Variants in RALA observed in about 807,000 individuals in gnomAD.
RALA encodes ras-related protein Ral-A.
Under a neutral mutation model 24.0 loss-of-function variants are expected in RALA, and 5 were observed. That is an observed-to-expected ratio of 0.21 (90% CI 0.11 to 0.44). The LOEUF (loss-of-function observed/expected upper bound fraction) is 0.44, where lower values mean the gene tolerates loss of function less well. RALA is among the 20% of genes least tolerant of loss of function. RALA has a pLI of 0.99. For synonymous variants in RALA, 77 were observed against 83.8 expected (o/e 0.92, Z 0.44); for missense variants, 95 against 241.2 (o/e 0.39, Z 4.01).
intron 1 of RALA, among the ~76,000 whole-genome samples, chr7:39,670,957 C>G (rs1235161696): frequency 6.6e-6 from 1 of 152,184 alleles, no homozygotes; most frequent in Non-Finnish European, 1.5e-5. Flanking sequence ...ACAGAAGCTG[C>G]TTGTTTCCTT....
chr7:39,626,992 T>C (rs549909973), intron 1 of RALA, among the ~76,000 whole-genome samples: 145 of 80,948 alleles, frequency 1.8e-3, no homozygotes, highest in African/African-American at 9.3e-3. Flanking sequence ...GGTAGAATTC[T>C]CTTCCCTCCT....
At chr7:39,665,541 A>G (rs568376367) in intron 1 of RALA, among the ~76,000 whole-genome samples, 5 of 152,142 alleles carry the variant, frequency 3.3e-5, no homozygotes, top group African/African-American at 7.2e-5. Flanking sequence ...CCAAGAGTCG[A>G]CTGTATAACA....
At chr7:39,675,669 T>C (rs1158100674) in intron 1 of RALA, among the ~76,000 whole-genome samples, 1 of 150,622 alleles carries the variant, frequency 6.6e-6, no homozygotes, top group Non-Finnish European at 1.5e-5. Flanking sequence ...AAGTCTGCAG[T>C]GAGCTGTGAT....
At chr7:39,628,583 TCTCG>T (rs1791537025) in intron 1 of RALA, among the ~76,000 whole-genome samples, 1 of 152,152 alleles carries the variant, frequency 6.6e-6, no homozygotes, top group South Asian at 2.1e-4. Flanking sequence ...TGAGACGGAG[TCTCG>T]CTCTTTCACC....
At chr7:39,706,039 C>T in intron 4 of RALA, 84 bp from the exon 5 acceptor site, 1 of 1,234,268 alleles carries the variant, frequency 8.1e-7, no homozygotes, top group Non-Finnish European at 1.1e-6. Context: ...CTTCTGTTAC[C>T]CCCAAAGTTT....
intron 1 of RALA, among the ~76,000 whole-genome samples, chr7:39,658,191 C>T (rs1792128185): frequency 6.6e-6 from 1 of 152,134 alleles, no homozygotes; most frequent in African/African-American, 2.4e-5. Context: ...CATCATTAAC[C>T]CCAGTGGTCT....
At chr7:39,686,915 T>C in intron 2 of RALA, 134 bp downstream of exon 2, 1 of 636,782 alleles carries the variant, frequency 1.6e-6, no homozygotes, top group South Asian at 2.4e-5. Context: ...TTTTTGTGTT[T>C]AGAGCCATCT....
chr7:39,661,010 A>G (rs1792177265), intron 1 of RALA, among the ~76,000 whole-genome samples: 1 of 152,214 alleles, frequency 6.6e-6, no homozygotes, highest in South Asian at 2.1e-4. Flanking sequence ...AGACCTCACA[A>G]TCATGGCAGA....
intron 1 of RALA, 59 bp from the exon 2 acceptor site, chr7:39,686,572 T>C: frequency 1.0e-6 from 1 of 987,034 alleles, no homozygotes. Flanking sequence ...ATCTCTTTCT[T>C]ACACTGGAAT....
chr7:39,706,043 A>C (rs1409475439), intron 4 of RALA, 80 bp from the exon 5 acceptor site: 8 of 1,304,648 alleles, frequency 6.1e-6, no homozygotes, highest in Non-Finnish European at 8.4e-6. Flanking sequence ...TGTTACCCCC[A>C]AAGTTTACTG....
At chr7:39,664,622 A>G (rs1392122809) in intron 1 of RALA, among the ~76,000 whole-genome samples, 1 of 152,198 alleles carries the variant, frequency 6.6e-6, no homozygotes, top group Non-Finnish European at 1.5e-5. Flanking sequence ...GAGGAACATC[A>G]TGAAAGCCTA....
intron 1 of RALA, among the ~76,000 whole-genome samples, chr7:39,664,368 C>T (rs1046197211): frequency 6.6e-6 from 1 of 152,158 alleles, no homozygotes; most frequent in Non-Finnish European, 1.5e-5. Flanking sequence ...AATGCTTTGT[C>T]CCTGAAGTCA....
At chr7:39,671,819 C>T (rs937834428) in intron 1 of RALA, among the ~76,000 whole-genome samples, 6 of 152,112 alleles carry the variant, frequency 3.9e-5, no homozygotes, top group African/African-American at 1.4e-4. Flanking sequence ...ATTAGAGTAA[C>T]GTGAAAATAC....
intron 1 of RALA, among the ~76,000 whole-genome samples, chr7:39,675,454 G>T (rs1693455558): frequency 6.6e-6 from 1 of 152,114 alleles, no homozygotes; most frequent in South Asian, 2.1e-4. Flanking sequence ...ATATACTTGT[G>T]GGCCTGGCAC....
In RALA at chr7:39,696,777, T is replaced by A; in HGVS notation, c.416T>A (p.Val139Glu). 2 of 1,613,706 alleles carry A rather than the reference T, an allele frequency of 1.2e-6. No homozygotes were observed. The highest frequency in any genetic ancestry group is 1.7e-6 in the Non-Finnish European group (2 of 1,179,666). Residue 139 changes from valine to glutamate, a missense_variant, in exon 4 of 5, where the codon GTA becomes GAA. Transcript: ENST00000005257. ...SDLEDKRQVS[V>E]EEAKNRAEQW... The stretch of plus-strand genomic sequence containing the variant: ...TTAGAAGATAAAAGACAGGTTTCTG[T>A]AGAAGAGGCAAAAAACAGAGCTGAG...
At chr7:39,631,256 C>T (rs919639417) in intron 1 of RALA, among the ~76,000 whole-genome samples, 3 of 152,176 alleles carry the variant, frequency 2.0e-5, no homozygotes, top group African/African-American at 7.2e-5. Context: ...GATCCACCTG[C>T]CTCGGCCTTC....
intron 1 of RALA, among the ~76,000 whole-genome samples, chr7:39,685,114 A>G (rs1362512022): frequency 1.3e-5 from 2 of 152,230 alleles, no homozygotes; most frequent in African/African-American, 4.8e-5. Flanking sequence ...GGCAATTTCA[A>G]CTTGTGATAA....
intron 4 of RALA, among the ~76,000 whole-genome samples, chr7:39,699,704 AACAC>A (rs1424406481): frequency 6.6e-6 from 1 of 152,240 alleles, no homozygotes; most frequent in African/African-American, 2.4e-5. Context: ...ATGTGTTTTA[AACAC>A]ACATACATAC....
intron 1 of RALA, among the ~76,000 whole-genome samples, chr7:39,648,255 C>T (rs561344653): frequency 1.3e-5 from 2 of 152,208 alleles, no homozygotes; most frequent in East Asian, 3.9e-4. Context: ...ATCTTTAGAG[C>T]CTATTAGGTG....
Sources: gnomAD v4.1 joint callset for allele counts (sites outside exome capture counted in the v4.1 genomes callset) on GRCh38, gnomAD v4.1.1 for gene constraint, MANE v1.5 for transcripts, NCBI Gene and HGNC (gene_info 2026-07-23, HGNC 2026-07-21) for gene names.